TMEM117: variants seen among roughly 807,000 people sequenced by gnomAD.
TMEM117 encodes transmembrane protein 117.
TMEM117 carries 27 observed loss-of-function variants against 52.4 expected under a neutral mutation model. The ratio of observed to expected loss-of-function variants is 0.51; its 90% CI spans 0.38 to 0.71. The LOEUF is 0.71. TMEM117 is among the 30% of genes least tolerant of loss of function. The probability of loss-of-function intolerance (pLI) is 0.00; values close to 1 mark genes in which losing one functional copy is unlikely to be tolerated. For synonymous variants in TMEM117, 215 were observed against 206.3 expected (o/e 1.04, Z -0.36); for missense variants, 556 against 630.5 (o/e 0.88, Z 1.26).
chr12:44,117,141 T>A (rs1748582316), intron 3 of TMEM117, among the ~76,000 whole-genome samples: 1 of 152,194 alleles, frequency 6.6e-6, no homozygotes, highest in Admixed American at 6.5e-5. Context: ...CATCAACTAA[T>A]CCCTTAGTTT....
At chr12:44,073,112 A>C (rs896128352) in intron 3 of TMEM117, among the ~76,000 whole-genome samples, 8 of 151,546 alleles carry the variant, frequency 5.3e-5, no homozygotes, top group African/African-American at 1.9e-4. Flanking sequence ...AACAACAAAA[A>C]AACAACCCAC....
chr12:44,105,953 G>A (rs114161515), intron 3 of TMEM117, among the ~76,000 whole-genome samples: 1,919 of 152,128 alleles, frequency 0.013, 46 homozygotes, highest in African/African-American at 0.043. Flanking sequence ...CTAAATTTCG[G>A]TACCTTTCTA....
chr12:44,139,564 AATTT>A (rs752338219), intron 3 of TMEM117, among the ~76,000 whole-genome samples: 4 of 152,052 alleles, frequency 2.6e-5, no homozygotes, highest in Non-Finnish European at 5.9e-5. Context: ...GCTGAGAAAA[AATTT>A]ATTTAGGATC....
intron 6 of TMEM117, among the ~76,000 whole-genome samples, chr12:44,303,977 G>A (rs914008912): frequency 1.3e-5 from 2 of 152,118 alleles, no homozygotes; most frequent in South Asian, 2.1e-4. Flanking sequence ...TCCAGTGATC[G>A]TCCCCCTATA....
the TMEM117 span, among the ~76,000 whole-genome samples, chr12:43,814,865 C>T: frequency 6.6e-6 from 1 of 151,788 alleles, no homozygotes; most frequent in African/African-American, 2.4e-5. Flanking sequence ...CTGCCTCAGC[C>T]TCTCGAGTAG....
intron 2 of TMEM117, among the ~76,000 whole-genome samples, chr12:43,914,379 T>G (rs1175175545): frequency 2.0e-5 from 3 of 152,158 alleles, no homozygotes; most frequent in Admixed American, 2.0e-4. Context: ...CCCTAGATTG[T>G]GATCACATTT....
At chr12:44,374,857 T>C (rs1181899226) in intron 6 of TMEM117, among the ~76,000 whole-genome samples, 2 of 152,144 alleles carry the variant, frequency 1.3e-5, no homozygotes, top group African/African-American at 4.8e-5. Flanking sequence ...TTCTCCTCCT[T>C]AAACCCAGAA....
In TMEM117 at chr12:44,353,658, G is replaced by C. The variant is rs1249574380; in HGVS notation, c.769-22937G>C. ...TCTGTTCTGTTCCATTGGTCTATAT[G>C]TCTGTTTTGGTACCAGTACCATGCT... On this transcript the variant is annotated intron_variant, in intron 6 of 7. Transcript: ENST00000266534. 5.3e-5 allele frequency among the ~76,000 whole-genome samples: 8 copies of C among 151,208 alleles called. No homozygotes were observed. The East Asian group carries it at 5.8e-4, about 11-fold the overall frequency.
At chr12:44,360,729 C>G (rs1287445431) in intron 6 of TMEM117, among the ~76,000 whole-genome samples, 1 of 152,066 alleles carries the variant, frequency 6.6e-6, no homozygotes, top group Non-Finnish European at 1.5e-5. Context: ...AATATGAAGT[C>G]AAAACTAGCT....
intron 3 of TMEM117, among the ~76,000 whole-genome samples, chr12:44,002,088 T>C (rs1320752449): frequency 6.6e-6 from 1 of 152,022 alleles, no homozygotes; most frequent in Non-Finnish European, 1.5e-5. Flanking sequence ...CCTGAGAGAA[T>C]AGGTTTGGAA....
At chr12:44,229,373 G>C (rs1949904943) in intron 5 of TMEM117, among the ~76,000 whole-genome samples, 1 of 152,074 alleles carries the variant, frequency 6.6e-6, no homozygotes, top group Non-Finnish European at 1.5e-5. Flanking sequence ...TATTAATGAA[G>C]TGTCCTAGCT....
In TMEM117 at chr12:44,249,749, C is replaced by T. The variant is rs561051387; in HGVS notation, c.608+38362C>T. On this transcript the variant is annotated intron_variant, in intron 5 of 7. Coordinates refer to ENST00000266534, the MANE Select transcript of TMEM117 (RefSeq NM_032256.3). Reference sequence around the variant, plus strand: ...AAAAACAAGCAATGGGGAAAGGATTCTCTATTTAATAAATGGTGCTGGGTA... The same window carrying T: ...AAAAACAAGCAATGGGGAAAGGATTTTCTATTTAATAAATGGTGCTGGGTA... Among the ~76,000 whole-genome samples, 3 of 152,232 alleles carry T rather than the reference C, an allele frequency of 2.0e-5. No individual in the cohort carries two copies. The South Asian group carries it at 6.2e-4, about 32-fold the overall frequency.
chr12:44,043,209 A>C (rs1946829026), intron 3 of TMEM117, among the ~76,000 whole-genome samples: 1 of 152,192 alleles, frequency 6.6e-6, no homozygotes, highest in Non-Finnish European at 1.5e-5. Flanking sequence ...CTGGCTTCAG[A>C]AGCAGATACT....
chr12:43,945,088 C>T (rs1945109050), intron 3 of TMEM117, among the ~76,000 whole-genome samples: 1 of 137,320 alleles, frequency 7.3e-6, no homozygotes, highest in Non-Finnish European at 1.6e-5. Context: ...TCTAGCCTGG[C>T]AACAAAGCAA....
intron 2 of TMEM117, among the ~76,000 whole-genome samples, chr12:43,912,442 A>T (rs972062029): frequency 2.5e-4 from 37 of 150,444 alleles, no homozygotes; most frequent in African/African-American, 8.5e-4. Context: ...GCACATGTAT[A>T]CGTATGTAAC....
intron 5 of TMEM117, among the ~76,000 whole-genome samples, chr12:44,263,044 G>A (rs978700211): frequency 3.9e-5 from 6 of 152,174 alleles, no homozygotes; most frequent in Admixed American, 6.5e-5. Context: ...TTATAAGGCT[G>A]TGACTTTTCT....
At chr12:43,972,787 A>G (rs1945612699) in intron 3 of TMEM117, among the ~76,000 whole-genome samples, 1 of 152,142 alleles carries the variant, frequency 6.6e-6, no homozygotes, top group South Asian at 2.1e-4. Flanking sequence ...ACAAACCTCT[A>G]GCTAGGTACA....
chr12:43,911,957 G>A (rs1171707670), intron 2 of TMEM117, among the ~76,000 whole-genome samples: 2 of 110,596 alleles, frequency 1.8e-5, no homozygotes, highest in East Asian at 6.3e-4. Context: ...CAGGGATCTA[G>A]AACTAGAAAT....
intron 5 of TMEM117, among the ~76,000 whole-genome samples, chr12:44,255,919 A>T (rs910909035): frequency 1.3e-5 from 2 of 152,054 alleles, no homozygotes; most frequent in Non-Finnish European, 2.9e-5. Context: ...CTGGACACTG[A>T]TGATAACTAT....
Sources: gnomAD v4.1 joint callset for allele counts (sites outside exome capture counted in the v4.1 genomes callset) on GRCh38, gnomAD v4.1.1 for gene constraint, MANE v1.5 for transcripts, NCBI Gene and HGNC (gene_info 2026-07-23, HGNC 2026-07-21) for gene names.